The following TARS3 variants were observed in gnomAD, a reference collection of about 807,000 sequenced individuals.
TARS3 encodes the protein threonine--tRNA ligase 2, cytoplasmic.
A neutral mutation model predicts 103.5 loss-of-function variants in TARS3; 94 were observed. The ratio of observed to expected loss-of-function variants is 0.91; its 90% CI spans 0.77 to 1.08. TARS3 has a LOEUF of 1.08. TARS3 is among the 50% of genes least tolerant of loss of function. The pLI, the probability that TARS3 is intolerant of heterozygous loss-of-function variation, is 0.00. For synonymous variants in TARS3, 416 were observed against 355.4 expected (o/e 1.17, Z -1.92); for missense variants, 952 against 995.2 (o/e 0.96, Z 0.58).
chr15:101,662,100 C>T (rs1245204025), intron 15 of TARS3, among the ~76,000 whole-genome samples: 1 of 152,142 alleles, frequency 6.6e-6, no homozygotes, highest in East Asian at 1.9e-4. Flanking sequence ...AATGTCAACT[C>T]ACAGCCAATC....
intron 3 of TARS3, among the ~76,000 whole-genome samples, chr15:101,715,967 G>A (rs1390130518): frequency 6.6e-6 from 1 of 151,994 alleles, no homozygotes; most frequent in Non-Finnish European, 1.5e-5. Context: ...TATTAGTTTT[G>A]GTTCATGCTT....
At chr15:101,714,112 T>C (rs1900010148) in intron 4 of TARS3, among the ~76,000 whole-genome samples, 1 of 152,202 alleles carries the variant, frequency 6.6e-6, no homozygotes, top group African/African-American at 2.4e-5. Context: ...CACATGCATA[T>C]GTGAAAAATG....
At chr15:101,723,743 C>T (rs769581590) in intron 1 of TARS3, among the ~76,000 whole-genome samples, 84 of 152,240 alleles carry the variant, frequency 5.5e-4, no homozygotes, top group Non-Finnish European at 2.5e-4. Context: ...ACATACGCAG[C>T]TGTTAGTCTT....
intron 7 of TARS3, among the ~76,000 whole-genome samples, chr15:101,704,499 T>C (rs1899444676): frequency 6.6e-6 from 1 of 151,116 alleles, no homozygotes; most frequent in Non-Finnish European, 1.5e-5. Flanking sequence ...ATAAAAAATA[T>C]AAAAAATTAG....
At chr15:101,677,333 T>C (rs545963922) in intron 12 of TARS3, among the ~76,000 whole-genome samples, 2 of 152,226 alleles carry the variant, frequency 1.3e-5, no homozygotes, top group African/African-American at 2.4e-5. Flanking sequence ...GCAAATTCTC[T>C]CTCTTTTTGA....
chr15:101,709,662 T>A (rs1899757656), intron 5 of TARS3, among the ~76,000 whole-genome samples: 2 of 152,190 alleles, frequency 1.3e-5, no homozygotes, highest in Admixed American at 6.5e-5. Context: ...AGATGGCTGC[T>A]TGTGCATTTG....
intron 13 of TARS3, among the ~76,000 whole-genome samples, chr15:101,674,250 A>C (rs1213981729): frequency 6.6e-6 from 1 of 152,190 alleles, no homozygotes; most frequent in Non-Finnish European, 1.5e-5. Context: ...TATTTTCCTG[A>C]ACCATGGCCT....
intron 3 of TARS3, among the ~76,000 whole-genome samples, chr15:101,716,014 T>C (rs1167406516): frequency 6.6e-6 from 1 of 151,144 alleles, no homozygotes; most frequent in Non-Finnish European, 1.5e-5. Context: ...ATCCGCTTCC[T>C]TTGCCTATTT....
intron 15 of TARS3, among the ~76,000 whole-genome samples, chr15:101,668,800 T>C (rs1219983907): frequency 6.6e-6 from 1 of 152,140 alleles, no homozygotes; most frequent in African/African-American, 2.4e-5. Flanking sequence ...AATCTTCCCA[T>C]TATTCAGGTG....
intron 10 of TARS3, among the ~76,000 whole-genome samples, chr15:101,696,703 G>A (rs530272085): frequency 6.6e-6 from 1 of 152,240 alleles, no homozygotes; most frequent in African/African-American, 2.4e-5. Context: ...TGAGTTACTG[G>A]CAGTGACAAG....
chr15:101,695,430 A>C (rs1898925258), intron 10 of TARS3, among the ~76,000 whole-genome samples: 1 of 152,160 alleles, frequency 6.6e-6, no homozygotes. Context: ...TCAGTATCTC[A>C]CTGCTTGTAA....
intron 12 of TARS3, 112 bp downstream of exon 12, chr15:101,683,963 C>G: frequency 9.3e-7 from 1 of 1,075,764 alleles, no homozygotes. Flanking sequence ...GAATGAATCT[C>G]AGAGACTAGA....
At chr15:101,672,358 T>C (rs1270775758) in intron 13 of TARS3, among the ~76,000 whole-genome samples, 1 of 152,138 alleles carries the variant, frequency 6.6e-6, no homozygotes, top group Non-Finnish European at 1.5e-5. Flanking sequence ...AGGATGCAAG[T>C]GTATTAATGA....
intron 10 of TARS3, among the ~76,000 whole-genome samples, chr15:101,690,792 T>C (rs1898681227): frequency 6.6e-6 from 1 of 152,244 alleles, no homozygotes; most frequent in South Asian, 2.1e-4. Flanking sequence ...TTGTATATTT[T>C]AGATTCCTTT....
At chr15:101,698,604 T>C (rs1387631450) in intron 10 of TARS3, among the ~76,000 whole-genome samples, 1 of 152,174 alleles carries the variant, frequency 6.6e-6, no homozygotes, top group Non-Finnish European at 1.5e-5. Context: ...AGACTATCTA[T>C]TGCATTATTC....
At chr15:101,704,616 T>C (rs1173958387) in intron 7 of TARS3, among the ~76,000 whole-genome samples, 2 of 142,092 alleles carry the variant, frequency 1.4e-5, no homozygotes, top group African/African-American at 5.3e-5. Context: ...GGTCGCGCCA[T>C]CGCACTCCAG....
chr15:101,684,109 T>C lies in TARS3; in HGVS notation c.1616A>G (p.Gln539Arg), dbSNP rs1288136941. The change falls in exon 12 of 19, where the codon CAG (glutamine) becomes CGG (arginine). Residue 539 changes from glutamine (Q) to arginine (R), a missense_variant. Gln to Arg is a conservative substitution (Grantham distance 43). Transcript: ENST00000335968. ...SGLTRVRRFQ[Q>R]DDAHIFCTVE... Reference sequence around the variant, plus strand: ...TGTGCAAAAAATGTGAGCATCGTCCTGCTGGAAGCGCCTCACTCTGGTCAA... The same window carrying C: ...TGTGCAAAAAATGTGAGCATCGTCCCGCTGGAAGCGCCTCACTCTGGTCAA... 7 of 1,613,732 alleles carry C rather than the reference T, an allele frequency of 4.3e-6. No homozygotes were observed. The highest frequency in any genetic ancestry group is 5.9e-6 in the Non-Finnish European group (7 of 1,179,792).
Position 101,711,871 on chromosome 15 carries a change from G to A in TARS3, c.812+9C>T. 6.2e-7 allele frequency: 1 copy of A among 1,613,390 alleles called. No individual in the cohort carries two copies. Reference sequence around the variant, plus strand: ...ACATGCATTCACAAGCCAGTATTCAGTGTGTTACCTGTCTTCAATGAACAT... The same window carrying A: ...ACATGCATTCACAAGCCAGTATTCAATGTGTTACCTGTCTTCAATGAACAT... On this transcript the variant is annotated intron_variant, in intron 5 of 18. Transcript: ENST00000335968.
chr15:101,704,315 G>A (rs1416370162), intron 7 of TARS3, among the ~76,000 whole-genome samples: 1 of 152,168 alleles, frequency 6.6e-6, no homozygotes, highest in Non-Finnish European at 1.5e-5. Flanking sequence ...TGAAGGGAAG[G>A]AATGCCAAAT....
Sources: gnomAD v4.1 joint callset for allele counts (sites outside exome capture counted in the v4.1 genomes callset) on GRCh38, gnomAD v4.1.1 for gene constraint, MANE v1.5 for transcripts, NCBI Gene and HGNC (gene_info 2026-07-23, HGNC 2026-07-21) for gene names.